The following LCTL variants were observed in gnomAD, a reference collection of about 807,000 sequenced individuals.
The protein encoded by LCTL is lactase like, also known as lactase-like protein.
A neutral mutation model predicts 75.8 loss-of-function variants in LCTL; 76 were observed. The ratio of observed to expected loss-of-function variants is 1.00; its 90% CI spans 0.83 to 1.21. The LOEUF (loss-of-function observed/expected upper bound fraction) is 1.21, where lower values mean the gene tolerates loss of function less well. Ranked by LOEUF, LCTL falls within the 50% of genes most tolerant of loss-of-function variation. LCTL has a pLI of 0.00. For synonymous variants in LCTL, 271 were observed against 268.8 expected (o/e 1.01, Z -0.08); for missense variants, 670 against 712.4 (o/e 0.94, Z 0.68).
intron 8 of LCTL, among the ~76,000 whole-genome samples, chr15:66,557,283 TA>T (rs1895761953): frequency 6.6e-6 from 1 of 152,202 alleles, no homozygotes; most frequent in Non-Finnish European, 1.5e-5. Context: ...TATATCCCTG[TA>T]AGCCTTACTT....
exon 8 of LCTL, chr15:66,557,815 C>G (rs564680521): frequency 6.2e-7 from 1 of 1,614,158 alleles, no homozygotes; most frequent in Non-Finnish European, 8.5e-7. Context: ...TCGGCAGCCT[C>G]TAGGTCCTTG....
intron 6 of LCTL, 46 bp downstream of exon 7, chr15:66,560,960 T>G: frequency 1.7e-5 from 26 of 1,574,524 alleles, no homozygotes; most frequent in Non-Finnish European, 2.0e-5. Flanking sequence ...TGGGGCAGGC[T>G]GAGCTGACCC....
chr15:66,549,614 A>G (rs1319747195), intron 12 of LCTL: 1 of 153,968 alleles, frequency 6.5e-6, no homozygotes, highest in East Asian at 1.9e-4. Context: ...GTTCCTGGCT[A>G]TATCTCATGA....
intron 8 of LCTL, among the ~76,000 whole-genome samples, chr15:66,556,589 G>T (rs1895744298): frequency 6.6e-6 from 1 of 152,186 alleles, no homozygotes; most frequent in Admixed American, 6.5e-5. Context: ...ACAGGCTTGA[G>T]CCACCGTGCC....
chr15:66,560,743 G>A (rs1469333341), intron 6 of LCTL, among the ~76,000 whole-genome samples: 4 of 152,112 alleles, frequency 2.6e-5, no homozygotes, highest in Admixed American at 6.6e-5. Context: ...TCACAGCTTG[G>A]ACCTGTAGTT....
chr15:66,552,132 T>C, exon 10 of LCTL: 1 of 1,613,190 alleles, frequency 6.2e-7, no homozygotes, highest in Non-Finnish European at 8.5e-7. Flanking sequence ...AGATGCTCCA[T>C]TTTCCATCAC....
chr15:66,554,995 G>GA (rs1895707537), intron 8 of LCTL, among the ~76,000 whole-genome samples: 2 of 152,006 alleles, frequency 1.3e-5, no homozygotes, highest in Admixed American at 1.3e-4. Flanking sequence ...ATACAAAAAA[G>GA]ACTTTTAATA....
chr15:66,557,850 C>G, exon 8 of LCTL: 1 of 1,614,050 alleles, frequency 6.2e-7, no homozygotes, highest in Non-Finnish European at 8.5e-7. Context: ...CACAGGTTCC[C>G]CCCAGTCACA....
intron 1 of LCTL, 112 bp from the exon 3 acceptor site, chr15:66,564,951 C>A (rs1895987034): frequency 4.0e-6 from 4 of 992,360 alleles, no homozygotes; most frequent in Non-Finnish European, 5.9e-6. Context: ...ACCACGCTGC[C>A]CCTGTCCCAC....
chr15:66,561,407 G>C (rs1895886089), intron 4 of LCTL, 92 bp from the exon 6 acceptor site: 19 of 1,415,362 alleles, frequency 1.3e-5, no homozygotes, highest in African/African-American at 2.8e-5. Flanking sequence ...AGACAAACAG[G>C]AGGGAGGCCG....
intron 4 of LCTL, among the ~76,000 whole-genome samples, chr15:66,562,407 A>C (rs1412909249): frequency 6.6e-6 from 1 of 151,854 alleles, no homozygotes; most frequent in Non-Finnish European, 1.5e-5. Flanking sequence ...CATCTCAAAA[A>C]AAAAAAAAAA....
chr15:66,561,240 AG>A lies in LCTL; in HGVS notation c.555del (p.Phe186LeufsTer8). 6.2e-7 allele frequency: 1 copy of A among 1,614,236 alleles called. No individual in the cohort carries two copies. ...TTCACACGGTCCCCAAAGGCCTCAA[AG>A]CACAGGTTGGCGTAGTCTCTGAAGT... On this transcript the variant is annotated frameshift_variant, in exon 5 of 13. Transcript: ENST00000341509. LOFTEE classifies it high-confidence loss of function.
At position 66,561,318 on chromosome 15, in the gene LCTL, G is replaced by A. The variant is rs1489647566; in HGVS notation, c.481-3C>T. 1.2e-6 allele frequency: 2 copies of A among 1,614,256 alleles called. No individual in the cohort carries two copies. Among genetic ancestry groups the A allele is most frequent in the Admixed American group, 3.3e-5 (2 of 60,028 alleles). On this transcript the variant is annotated splice_polypyrimidine_tract_variant and splice_region_variant and intron_variant, in intron 4 of 12. Transcript: ENST00000341509. ...CCACCGTATTTGACCTGGAGCAGCT[G>A]TGAACACAGAGAAGCAGATGCCCCA...
intron 11 of LCTL, 39 bp downstream of exon 12, chr15:66,551,623 C>G: frequency 2.6e-6 from 4 of 1,542,154 alleles, no homozygotes; most frequent in Non-Finnish European, 3.6e-6. Context: ...CTAGCTCTTC[C>G]TAAAGTTCAG....
rs756581079 is a variant in LCTL at position 66,548,597 on chromosome 15, G to A, written c.1597C>T (p.Leu533=). ...TCCGTAACCATTTGCATGTGACTTA[G>A]CAAGGGCTCTGAAATGACAAAGAGA... The change falls in exon 13 of 13, where the codon CTA becomes TTA. Residue 533 remains leucine, a synonymous_variant. Coordinates refer to ENST00000341509, the Ensembl canonical transcript of LCTL. 9 of 1,580,994 alleles carry A rather than the reference G, an allele frequency of 5.7e-6. No individual in the cohort carries two copies. In the South Asian group the frequency reaches 1.0e-4, roughly 17 times the overall value.
chr15:66,551,840 A>G, exon 11 of LCTL: 2 of 1,612,676 alleles, frequency 1.2e-6, no homozygotes, highest in South Asian at 2.2e-5. Context: ...ATACCCCTTT[A>G]TATTAGCACC....
At chr15:66,550,102 C>T (rs1342932802) in exon 12 of LCTL, 1 of 1,594,644 alleles carries the variant, frequency 6.3e-7, no homozygotes, top group East Asian at 2.3e-5. Context: ...ACCAACTTTC[C>T]ACCTAATAAA....
Position 66,552,383 on chromosome 15 carries a change from C to G in LCTL, c.1198-214G>C, listed in dbSNP as rs151244089. ...AAGAATGTATTTCTCAATAAATGAA[C>G]ATTGTTGCCAGGCGCGGTGGCTCAC... On this transcript the variant is annotated intron_variant, in intron 9 of 12. Coordinates refer to ENST00000341509, the Ensembl canonical transcript of LCTL. 1.2e-3 allele frequency among the ~76,000 whole-genome samples: 183 copies of G among 152,180 alleles called. 1 individual carries two copies. Among genetic ancestry groups the G allele is most frequent in the African/African-American group, 4.1e-3 (172 of 41,522 alleles).
chr15:66,565,203 G>T, intron 1 of LCTL, 45 bp downstream of exon 2: 1 of 1,323,670 alleles, frequency 7.6e-7, no homozygotes, highest in Non-Finnish European at 1.1e-6. Flanking sequence ...AAGTGGGCAG[G>T]TGGACGACAG....
Sources: gnomAD v4.1 joint callset for allele counts (sites outside exome capture counted in the v4.1 genomes callset) on GRCh38, gnomAD v4.1.1 for gene constraint, MANE v1.5 for transcripts, NCBI Gene and HGNC (gene_info 2026-07-23, HGNC 2026-07-21) for gene names.